Variants in CMIP observed in about 807,000 individuals in gnomAD.
The protein encoded by CMIP is C-Maf-inducing protein.
Under a neutral mutation model 97.3 loss-of-function variants are expected in CMIP, and 13 were observed. The observed-to-expected ratio is 0.13, with a 90% CI of 0.09 to 0.21. CMIP has a LOEUF of 0.21. CMIP is among the 10% of genes least tolerant of loss of function. CMIP has a pLI of 1.00. For synonymous variants in CMIP, 538 were observed against 436.3 expected, an observed-to-expected ratio of 1.23 and a Z score of -2.91; for missense variants, 847 against 1,024.9, an observed-to-expected ratio of 0.83 and a Z score of 2.37.
intron 1 of CMIP, among the ~76,000 whole-genome samples, chr16:81,471,157 A>C (rs1382245720): frequency 6.6e-6 from 1 of 152,266 alleles, no homozygotes; most frequent in African/African-American, 2.4e-5. Flanking sequence ...ATGTACATAT[A>C]CACGTATACA....
At chr16:81,684,950 C>G (rs1232749320) in intron 10 of CMIP, among the ~76,000 whole-genome samples, 1 of 152,234 alleles carries the variant, frequency 6.6e-6, no homozygotes, top group Non-Finnish European at 1.5e-5. Flanking sequence ...GGATAACAGG[C>G]CCGCCCAGAG....
intron 1 of CMIP, among the ~76,000 whole-genome samples, chr16:81,511,628 G>A (rs1426034728): frequency 6.6e-6 from 1 of 152,106 alleles, no homozygotes; most frequent in Non-Finnish European, 1.5e-5. Context: ...TTGCATGATC[G>A]TGGCTCACTG....
At position 81,657,923 on chromosome 16, in the gene CMIP, C is replaced by G. The variant is rs1265098680; in HGVS notation, c.681+107C>G. The G allele has an allele frequency of 7.7e-6, 7 of 904,958 alleles. No homozygotes were observed. In the African/African-American group the frequency reaches 8.5e-5, roughly 11 times the overall value. 56.1% of individuals were successfully genotyped at this position (904,958 alleles called of 1,614,324 possible). A position where few individuals can be genotyped will look rare whatever the true frequency, so the allele number is the denominator to read the frequency against. On this transcript the variant is annotated intron_variant, in intron 5 of 20. Transcript: ENST00000537098. ...TGGCGCCTGCGTAATCCACCAGCAT[C>G]TGGCCTTGCTCCGTTTTGTCTTTTC...
At chr16:81,471,445 T>C (rs1202337414) in intron 1 of CMIP, among the ~76,000 whole-genome samples, 3 of 152,224 alleles carry the variant, frequency 2.0e-5, no homozygotes, top group Non-Finnish European at 4.4e-5. Flanking sequence ...CATTTGTACA[T>C]GCATATGTAC....
rs1413718741 is a variant in CMIP, at chr16:81,672,176, G to A, written c.1034+106G>A. Reference sequence around the variant, plus strand: ...CTGACCAGGCCAGAGAGGTGGAGTGGCTGTTTACTGGGCAGACCTCATGGT... The same window carrying A: ...CTGACCAGGCCAGAGAGGTGGAGTGACTGTTTACTGGGCAGACCTCATGGT... On this transcript the variant is annotated intron_variant, in intron 9 of 20. Transcript: ENST00000537098. The A allele has an allele frequency of 6.1e-6, 4 of 660,748 alleles. No homozygotes were observed. The East Asian group carries it at 8.4e-5, about 14-fold the overall frequency. The allele number at this position is 660,748 out of a possible 1,614,324, so 40.9% of individuals were successfully genotyped here.
rs1329922875 is a variant in CMIP at position 81,616,242 on chromosome 16, G to T, written c.427-4634G>T. Among the ~76,000 whole-genome samples, 1 of 151,848 alleles carries T rather than the reference G, an allele frequency of 6.6e-6. No individual in the cohort carries two copies. The highest frequency in any genetic ancestry group is 1.5e-5 in the Non-Finnish European group (1 of 67,986). ...CCTGCCTCCTCTCCCAATCCTGTGG[G>T]TGGGACATAAATACCCAGCCAGCCT... On this transcript the variant is annotated intron_variant, in intron 2 of 20. Transcript: ENST00000537098. This position sits in a 1 kb window ranked among gnomAD's most constrained non-coding sequence, Gnocchi z 4.7.
chr16:81,568,139 C>T (rs552688115), intron 1 of CMIP, among the ~76,000 whole-genome samples: 1 of 149,972 alleles, frequency 6.7e-6, no homozygotes, highest in Non-Finnish European at 1.5e-5. Flanking sequence ...CAGGGCCTTG[C>T]CTTCTAGGGC....
intron 1 of CMIP, among the ~76,000 whole-genome samples, chr16:81,542,603 A>G (rs2090468841): frequency 6.6e-6 from 1 of 152,150 alleles, no homozygotes; most frequent in African/African-American, 2.4e-5. Flanking sequence ...AACCACAGGC[A>G]TTTATTGTTT....
At chr16:81,679,858 G>A (rs1028004832) in intron 10 of CMIP, among the ~76,000 whole-genome samples, 2 of 152,128 alleles carry the variant, frequency 1.3e-5, no homozygotes, top group Non-Finnish European at 2.9e-5. Flanking sequence ...CCCAGTTTGA[G>A]GGATCTCATT....
chr16:81,691,805 G>C lies in CMIP; in HGVS notation c.1419G>C (p.Leu473=), dbSNP rs1252654046. 2 of 1,613,738 alleles carry C rather than the reference G, an allele frequency of 1.2e-6. No homozygotes were observed. The highest frequency in any genetic ancestry group is 1.7e-5 in the Admixed American group (1 of 59,988). Residue 473 remains leucine, a synonymous_variant, in exon 11 of 21, where the codon CTG becomes CTC. Coordinates refer to ENST00000537098, the MANE Select transcript of CMIP (RefSeq NM_198390.3). ...ACTATGATGACTGGAGACCGTCTCT[G>C]GCCAGTTTGCTTCAACCCATTCCAT... ...LSDYDDWRPS[L]ASLLQPIPFP...
In CMIP at chr16:81,587,474, A is replaced by G. The variant is rs183512498; in HGVS notation, c.301-20093A>G. On this transcript the variant is annotated intron_variant, in intron 1 of 20. Transcript: ENST00000537098. ...TCACCTCTGTTCAGCCAGAGCCACC[A>G]CAAAGTCCTTGCTTCCCCAGCTGCT... Among the ~76,000 whole-genome samples the G allele has an allele frequency of 2.0e-5, 3 of 152,348 alleles. No individual in the cohort carries two copies. The East Asian group carries it at 5.8e-4, about 29-fold the overall frequency.
chr16:81,683,114 A>T (rs1177141069), intron 10 of CMIP, among the ~76,000 whole-genome samples: 2 of 152,170 alleles, frequency 1.3e-5, no homozygotes, highest in Non-Finnish European at 2.9e-5. Context: ...TCTATGCCAA[A>T]TGCCATACTG....
intron 1 of CMIP, among the ~76,000 whole-genome samples, chr16:81,467,572 C>A (rs1485802181): frequency 2.6e-5 from 4 of 151,446 alleles, no homozygotes; most frequent in Admixed American, 2.0e-4. Context: ...TTATTTTTTT[C>A]TTTTTCTTCT....
At chr16:81,495,609 G>C in intron 1 of CMIP, 1 of 1,107,806 alleles carries the variant, frequency 9.0e-7, no homozygotes, top group Non-Finnish European at 1.3e-6. Flanking sequence ...TCAGAGGGTG[G>C]GCAGGTGTGT....
intron 20 of CMIP, among the ~76,000 whole-genome samples, chr16:81,709,129 A>G (rs937751982): frequency 6.6e-6 from 1 of 152,180 alleles, no homozygotes; most frequent in Admixed American, 6.5e-5. Flanking sequence ...AGGTGGAATC[A>G]CAGAGTCGAG....
At chr16:81,586,492 G>A (rs544383161) in intron 1 of CMIP, among the ~76,000 whole-genome samples, 4 of 152,194 alleles carry the variant, frequency 2.6e-5, no homozygotes, top group East Asian at 1.9e-4. Flanking sequence ...AGTGTCTCCC[G>A]TACTAGGAGA....
chr16:81,446,558 T>C (rs2317239), intron 1 of CMIP, among the ~76,000 whole-genome samples: 6 of 151,436 alleles, frequency 4.0e-5, no homozygotes, highest in African/African-American at 1.5e-4. Context: ...TCATTGGGGG[T>C]GTAGCTTGTC....
intron 20 of CMIP, among the ~76,000 whole-genome samples, chr16:81,709,540 G>A (rs766787580): frequency 6.6e-6 from 1 of 152,186 alleles, no homozygotes; most frequent in Non-Finnish European, 1.5e-5. Context: ...CCCGCTGCCT[G>A]GTTTCTCCGG....
At chr16:81,547,208 T>A (rs1002545364) in intron 1 of CMIP, among the ~76,000 whole-genome samples, 1 of 152,042 alleles carries the variant, frequency 6.6e-6, no homozygotes, top group Admixed American at 6.5e-5. Flanking sequence ...GAAGCACATA[T>A]GTCAAGGCCT....
Sources: allele counts gnomAD v4.1 joint callset (sites outside exome capture counted in the v4.1 genomes callset), GRCh38; gene constraint gnomAD v4.1.1; non-coding constraint Gnocchi (gnomAD v3.1); transcripts MANE v1.5; gene names NCBI Gene and HGNC (gene_info 2026-07-23, HGNC 2026-07-21).